Variants in PCDHGA2 observed in about 807,000 individuals in gnomAD.
PCDHGA2 encodes protocadherin gamma subfamily A, 2, also known as protocadherin gamma-A2.
In PCDHGA2, 40 loss-of-function variants were observed where a neutral mutation model predicts 59.2. The ratio of observed to expected loss-of-function variants is 0.68; its 90% confidence interval spans 0.52 to 0.88. PCDHGA2 has a LOEUF of 0.88. PCDHGA2 is among the 40% of genes least tolerant of loss of function. PCDHGA2 has a pLI of 0.00. For synonymous variants in PCDHGA2, 560 were observed against 526.0 expected (o/e 1.06, Z -0.89); for missense variants, 1,226 against 1,204.0 (o/e 1.02, Z -0.27).
chr5:141,442,119 C>T (rs563017984), intron 1 of PCDHGA2: 1 of 166,262 alleles, frequency 6.0e-6, no homozygotes, highest in African/African-American at 2.4e-5. Context: ...CCCCTCGTCG[C>T]CGACAGCCTG....
intron 1 of PCDHGA2, among the ~76,000 whole-genome samples, chr5:141,343,512 G>A (rs1588456053): frequency 6.6e-6 from 1 of 152,116 alleles, no homozygotes; most frequent in South Asian, 2.1e-4. Context: ...TGGTCCTTAC[G>A]GCCAGTTCTT....
chr5:141,507,344 AT>A (rs1345461058), intron 3 of PCDHGA2: 5 of 152,206 alleles, frequency 3.3e-5, no homozygotes, highest in Non-Finnish European at 5.9e-5. Context: ...TTTACCTGAA[AT>A]TCAAATTTAA....
chr5:141,346,535 T>G (rs770453320), intron 1 of PCDHGA2: 12 of 1,565,668 alleles, frequency 7.7e-6, no homozygotes, highest in Non-Finnish European at 1.0e-5. Context: ...ACATATGTAT[T>G]TGAGAAATAA....
chr5:141,446,455 T>G (rs1347586383), intron 1 of PCDHGA2, among the ~76,000 whole-genome samples: 1 of 151,858 alleles, frequency 6.6e-6, no homozygotes, highest in Non-Finnish European at 1.5e-5. Context: ...AGATATTCAG[T>G]GTGTGATTAG....
chr5:141,357,757 G>A (rs932647509), intron 1 of PCDHGA2: 33 of 1,061,794 alleles, frequency 3.1e-5, no homozygotes, highest in Non-Finnish European at 4.0e-5. Flanking sequence ...AAAACTGGTG[G>A]ATGACCTTCC....
At chr5:141,400,394 G>A in intron 1 of PCDHGA2, 2 of 1,614,072 alleles carry the variant, frequency 1.2e-6, no homozygotes, top group Non-Finnish European at 1.7e-6. Context: ...GCACATACAG[G>A]AAAGACGGAG....
intron 3 of PCDHGA2, among the ~76,000 whole-genome samples, chr5:141,509,633 GA>G (rs2099877629): frequency 6.6e-6 from 1 of 152,204 alleles, no homozygotes; most frequent in Non-Finnish European, 1.5e-5. Flanking sequence ...GGGTGATGCT[GA>G]GCCAGGGCCA....
chr5:141,343,185 C>A, intron 1 of PCDHGA2: 1 of 542,926 alleles, frequency 1.8e-6, no homozygotes, highest in Non-Finnish European at 2.3e-6. Context: ...AATCCCCAAA[C>A]ATATTGTCTG....
At chr5:141,396,934 G>A (rs1037377516) in intron 1 of PCDHGA2, among the ~76,000 whole-genome samples, 2 of 152,186 alleles carry the variant, frequency 1.3e-5, no homozygotes. Flanking sequence ...GATGAAAGTT[G>A]CCCTGGTAGG....
intron 1 of PCDHGA2, among the ~76,000 whole-genome samples, chr5:141,381,744 G>A (rs1175308296): frequency 3.3e-5 from 5 of 151,430 alleles, no homozygotes; most frequent in Non-Finnish European, 5.9e-5. Flanking sequence ...TTTGGATTCC[G>A]ACATTGTTCT....
chr5:141,400,559 C>T (rs2150864766), intron 1 of PCDHGA2: 2 of 1,613,274 alleles, frequency 1.2e-6, no homozygotes, highest in Non-Finnish European at 1.7e-6. Flanking sequence ...TTTTCATTAC[C>T]CACCCAATTT....
chr5:141,376,611 C>G lies in PCDHGA2; in HGVS notation c.2424+35216C>G. 2.1e-6 allele frequency: 3 copies of G among 1,439,262 alleles called. No individual in the cohort carries two copies. The East Asian group carries it at 7.3e-5, about 35-fold the overall frequency. The allele number at this position is 1,439,262 out of a possible 1,614,324, so 89.2% of individuals were successfully genotyped here. A position where few individuals can be genotyped will look rare whatever the true frequency, so the allele number is the denominator to read the frequency against. On this transcript the variant is annotated intron_variant, in intron 1 of 3. Coordinates refer to ENST00000394576, the MANE Select transcript of PCDHGA2 (RefSeq NM_018915.4). ...GATCGGCTGTTATAGAAGCGAACCT[C>G]TTTTGGTACAGGAAGATTCGTGATT...
Position 141,491,420 on chromosome 5 carries a change from G to A in PCDHGA2, c.2425-3387G>A, listed in dbSNP as rs2099713954. 1.2e-6 allele frequency: 2 copies of A among 1,614,004 alleles called. No homozygotes were observed. The highest frequency in any genetic ancestry group is 2.2e-5 in the South Asian group (2 of 91,090). On this transcript the variant is annotated intron_variant, in intron 1 of 3. Transcript: ENST00000394576. This position sits in a 1 kb window ranked among gnomAD's most constrained non-coding sequence, Gnocchi z 6.9. ...GGAAACGCAGACGGGGACGGGGGTG[G>A]AGGGCAGTGCTGCAGGCGCCAGGAC...
chr5:141,457,481 G>T (rs990111430), intron 1 of PCDHGA2, among the ~76,000 whole-genome samples: 1 of 152,212 alleles, frequency 6.6e-6, no homozygotes, highest in African/African-American at 2.4e-5. Context: ...CAGGGCCAGG[G>T]TTAGTCTAAA....
Position 141,489,592 on chromosome 5 carries a change from C to T in PCDHGA2, c.2425-5215C>T, listed in dbSNP as rs747085985. 1.3e-5 allele frequency: 21 copies of T among 1,613,928 alleles called. No individual in the cohort carries two copies. The East Asian group carries it at 1.6e-4, about 12-fold the overall frequency. ...GACTGAACACCCCCTGGAGCTAATC[C>T]GTGTAGAGGTAGAGATCCTGGATCT... is the stretch of plus-strand genomic sequence containing the variant. On this transcript the variant is annotated intron_variant, in intron 1 of 3. Transcript: ENST00000394576. This position sits in a 1 kb window ranked among gnomAD's most constrained non-coding sequence, Gnocchi z 4.5.
At chr5:141,428,058 G>A (rs752468507) in intron 1 of PCDHGA2, 4 of 1,609,140 alleles carry the variant, frequency 2.5e-6, no homozygotes, top group South Asian at 1.1e-5. Flanking sequence ...GGTGGTGGCG[G>A]TGGACGCAGA....
intron 1 of PCDHGA2, chr5:141,388,620 G>A (rs2091421768): frequency 6.2e-7 from 1 of 1,613,912 alleles, no homozygotes; most frequent in East Asian, 2.2e-5. Flanking sequence ...CAGTCAAGAC[G>A]TATACAGGGT....
intron 1 of PCDHGA2, chr5:141,350,695 C>T: frequency 6.2e-7 from 1 of 1,613,934 alleles, no homozygotes; most frequent in South Asian, 1.1e-5. Context: ...CAGCCTTACC[C>T]GGGGTAAAAT....
intron 1 of PCDHGA2, chr5:141,404,707 C>T: frequency 6.2e-7 from 1 of 1,614,122 alleles, no homozygotes; most frequent in Non-Finnish European, 8.5e-7. Flanking sequence ...CAGAGCCTGG[C>T]TACCTGGTGA....
Sources: gnomAD v4.1 joint callset for allele counts (sites outside exome capture counted in the v4.1 genomes callset) on GRCh38, gnomAD v4.1.1 for gene constraint, Gnocchi (gnomAD v3.1) non-coding constraint, MANE v1.5 for transcripts, NCBI Gene and HGNC (gene_info 2026-07-23, HGNC 2026-07-21) for gene names.